Variants in PDE9A observed in about 807,000 individuals in gnomAD.
PDE9A encodes phosphodiesterase 9A, also known as high affinity cGMP-specific 3',5'-cyclic phosphodiesterase 9A.
A neutral mutation model predicts 87.4 loss-of-function variants in PDE9A; 60 were observed. The ratio of observed to expected loss-of-function variants is 0.69; its 90% confidence interval spans 0.56 to 0.85. PDE9A has a LOEUF of 0.85. Ranked by LOEUF, PDE9A falls within the 40% of genes least tolerant of loss-of-function variation. The probability of loss-of-function intolerance (pLI) is 0.00; values close to 1 mark genes in which losing one functional copy is unlikely to be tolerated. For missense variants in PDE9A, 665 were observed against 779.0 expected, an observed-to-expected ratio of 0.85 and a Z score of 1.74; for synonymous variants, 272 against 279.4, an observed-to-expected ratio of 0.97 and a Z score of 0.27.
chr21:42,688,155 G>T (rs1304656014), intron 3 of PDE9A, among the ~76,000 whole-genome samples, 161 bp downstream of exon 3: 1 of 152,198 alleles, frequency 6.6e-6, no homozygotes, highest in South Asian at 2.1e-4. Context: ...AGCTTGACTC[G>T]TCGTGTTCCC....
Position 42,704,950 on chromosome 21 carries a change from AAG to A in PDE9A, c.262+5942_262+5943del, listed in dbSNP as rs1430085144. ...TAAATATTCAGGAAATAGTAAAGAGAAGAGTATTATCAAAAACGTGACTTTTC... is the reference window on the plus strand; with the variant it reads ...TAAATATTCAGGAAATAGTAAAGAGAAGTATTATCAAAAACGTGACTTTTC... On this transcript the variant is annotated intron_variant, in intron 4 of 19. Coordinates refer to ENST00000291539, the MANE Select transcript of PDE9A (RefSeq NM_002606.3). The surrounding 1 kb of genome is among the most constrained non-coding windows in gnomAD (Gnocchi z 5.3). 6.6e-6 allele frequency among the ~76,000 whole-genome samples: 1 copy of A among 152,204 alleles called. No individual in the cohort carries two copies. The highest frequency in any genetic ancestry group is 1.5e-5 in the Non-Finnish European group (1 of 68,032).
chr21:42,657,978 G>T (rs930490783), intron 1 of PDE9A, among the ~76,000 whole-genome samples: 3 of 152,234 alleles, frequency 2.0e-5, no homozygotes, highest in Non-Finnish European at 4.4e-5. Context: ...CCAAAGGGAG[G>T]AGCCGCGCTA....
chr21:42,729,776 T>A (rs999563525), intron 4 of PDE9A, among the ~76,000 whole-genome samples: 11 of 152,218 alleles, frequency 7.2e-5, no homozygotes, highest in Non-Finnish European at 1.5e-5. Flanking sequence ...TATTTAGAAG[T>A]GTGTTGTTAA....
intron 1 of PDE9A, among the ~76,000 whole-genome samples, chr21:42,679,112 C>G (rs2059012396): frequency 6.6e-6 from 1 of 152,234 alleles, no homozygotes; most frequent in Non-Finnish European, 1.5e-5. Context: ...TCGCGCTGCA[C>G]CAGGACACAT....
intron 1 of PDE9A, among the ~76,000 whole-genome samples, chr21:42,677,625 C>T (rs2058927735): frequency 6.6e-6 from 1 of 151,530 alleles, no homozygotes; most frequent in Admixed American, 6.5e-5. Flanking sequence ...CAACTCAAAC[C>T]TCAGTTGCCA....
Position 42,675,919 on chromosome 21 carries a change from G to A in PDE9A, c.70-10273G>A, listed in dbSNP as rs1321124023. ...GTTGGAGTGGGGCCTGGTGGGAGGT[G>A]ACTGGATCGTGGGGTGGGTTTCTCA... On this transcript the variant is annotated intron_variant, in intron 1 of 19. Transcript: ENST00000291539. This position sits in a 1 kb window ranked among gnomAD's most constrained non-coding sequence, Gnocchi z 4.3. 6.6e-6 allele frequency among the ~76,000 whole-genome samples: 1 copy of A among 152,210 alleles called. No homozygotes were observed. Among genetic ancestry groups the A allele is most frequent in the Non-Finnish European group, 1.5e-5 (1 of 68,026 alleles).
rs2050624411 is a variant in PDE9A at position 42,722,365 on chromosome 21, T to G, written c.263-9405T>G. On this transcript the variant is annotated intron_variant, in intron 4 of 19. Transcript: ENST00000291539. The surrounding 1 kb of genome is among the most constrained non-coding windows in gnomAD (Gnocchi z 4.1). The stretch of plus-strand genomic sequence containing the variant: ...CAGCACCTCGCCCTGTTGCTCTGGG[T>G]TGGGACTAACAAGGTGAAACATGGC... 6.6e-6 allele frequency among the ~76,000 whole-genome samples: 1 copy of G among 152,188 alleles called. No individual in the cohort carries two copies. The highest frequency in any genetic ancestry group is 1.5e-5 in the Non-Finnish European group (1 of 68,038).
At chr21:42,718,740 T>G (rs1255050351) in intron 4 of PDE9A, among the ~76,000 whole-genome samples, 1 of 151,842 alleles carries the variant, frequency 6.6e-6, no homozygotes, top group Non-Finnish European at 1.5e-5. Flanking sequence ...GTTTGCTCAT[T>G]TTGGCATCTG....
chr21:42,653,774 A>C lies in PDE9A; in HGVS notation c.-41A>C. ...GCCTCCCGCGGCGGCTGGCGTCGGG[A>C]AAGTACAGTAAAAAGTCCGAGTGCA... is the stretch of plus-strand genomic sequence containing the variant. On this transcript the variant is annotated 5_prime_UTR_variant, in exon 1 of 20. Coordinates refer to ENST00000291539, the MANE Select transcript of PDE9A (RefSeq NM_002606.3). The C allele has an allele frequency of 3.5e-6, 4 of 1,146,442 alleles. No individual in the cohort carries two copies. The highest frequency in any genetic ancestry group is 4.6e-6 in the Non-Finnish European group (4 of 876,984). 71.0% of individuals were successfully genotyped at this position (1,146,442 alleles called of 1,614,324 possible). A position where few individuals can be genotyped will look rare whatever the true frequency, so the allele number is the denominator to read the frequency against.
In PDE9A at chr21:42,765,018, G is replaced by GATGGATGGATGGATGA. The variant is rs140976951; in HGVS notation, c.1243-359_1243-358insATGGATGGATGAATGG. ...GGATGGATGGATGGATGGATGGATG[G>GATGGATGGATGGATGA]ATGGGTGGATGGGTGGATGGACAAA... On this transcript the variant is annotated intron_variant, in intron 14 of 19. Transcript: ENST00000291539. Among the ~76,000 whole-genome samples the GATGGATGGATGGATGA allele has an allele frequency of 3.2e-3, 479 of 150,752 alleles. 3 individuals carry two copies. The highest frequency in any genetic ancestry group is 9.3e-3 in the African/African-American group (380 of 40,800).
rs2051062252 is a variant in PDE9A, at chr21:42,726,592, C to CTATATATATA, written c.263-5178_263-5177insTATATATATA. Among the ~76,000 whole-genome samples the CTATATATATA allele has an allele frequency of 2.3e-4, 17 of 74,214 alleles. 2 individuals are homozygous for CTATATATATA. The highest frequency in any genetic ancestry group is 1.1e-3 in the African/African-American group (16 of 13,928). 48.7% of individuals were successfully genotyped at this position (74,214 alleles called of 152,430 possible). A position where few individuals can be genotyped will look rare whatever the true frequency, so the allele number is the denominator to read the frequency against. ...TATTACTGAATGCCACCACGCCTGG[C>CTATATATATA]CATATATATATATATATATATATAT... is the stretch of plus-strand genomic sequence containing the variant. On this transcript the variant is annotated intron_variant, in intron 4 of 19. Transcript: ENST00000291539.
At chr21:42,678,338 A>AAATGGC (rs2058966565) in intron 1 of PDE9A, among the ~76,000 whole-genome samples, 1 of 152,250 alleles carries the variant, frequency 6.6e-6, no homozygotes, top group Admixed American at 6.5e-5. Flanking sequence ...ATAGATGCTG[A>AAATGGC]AATGGCAAGG....
intron 1 of PDE9A, among the ~76,000 whole-genome samples, chr21:42,657,940 G>A (rs1315260896): frequency 6.6e-6 from 1 of 152,266 alleles, no homozygotes; most frequent in East Asian, 1.9e-4. Flanking sequence ...TGTTTCTACT[G>A]TAAACCAGAG....
chr21:42,757,557 T>A (rs2055207095), intron 10 of PDE9A: 1 of 152,202 alleles, frequency 6.6e-6, no homozygotes. Flanking sequence ...AAAAGTTGAT[T>A]CCTCAGTTCT....
chr21:42,745,238 G>A (rs1203438758), intron 8 of PDE9A, among the ~76,000 whole-genome samples: 4 of 152,216 alleles, frequency 2.6e-5, no homozygotes, highest in African/African-American at 4.8e-5. Context: ...CGGGGTGGGC[G>A]CAGGGAGGAA....
At chr21:42,724,148 A>G (rs2050795736) in intron 4 of PDE9A, among the ~76,000 whole-genome samples, 1 of 151,978 alleles carries the variant, frequency 6.6e-6, no homozygotes, top group African/African-American at 2.4e-5. Flanking sequence ...GGTGGGATTC[A>G]CCCCTTCACA....
Position 42,733,418 on chromosome 21 carries a change from G to A in PDE9A, c.560G>A (p.Arg187His), listed in dbSNP as rs372762445. ...AATCACTTGGCTGTCCTAGAGAAAC[G>A]CGTGGAATGTGAGTGACGTTTCTGT... The part of the protein sequence containing the change: ...VANHLAVLEK[R>H]VELEGLKVVE... The change falls in exon 7 of 20, where the codon CGC (arginine) becomes CAC (histidine). Residue 187 changes from arginine to histidine, a missense_variant. Arg to His is a conservative substitution (Grantham distance 29). Transcript: ENST00000291539. 88 of 1,589,986 alleles carry A rather than the reference G, an allele frequency of 5.5e-5. No individual in the cohort carries two copies. In the African/African-American group the frequency reaches 6.9e-4, roughly 12 times the overall value.
chr21:42,750,758 TA>T lies in PDE9A; in HGVS notation c.654-357del, dbSNP rs57563246. 4.5e-3 allele frequency among the ~76,000 whole-genome samples: 687 copies of T among 151,886 alleles called. 4 individuals carry two copies. The highest frequency in any genetic ancestry group is 0.015 in the African/African-American group (639 of 41,394). On this transcript the variant is annotated intron_variant, in intron 8 of 19. Coordinates refer to ENST00000291539, the MANE Select transcript of PDE9A (RefSeq NM_002606.3). ...GCCCAGCTAATTTTTGTATTATTAT[TA>T]TTTTTTTAATAGAGATGAGGTTTCA... is the stretch of plus-strand genomic sequence containing the variant.
In PDE9A at chr21:42,659,773, C is replaced by T. The variant is rs1013694830; in HGVS notation, c.69+5890C>T. Reference sequence around the variant, plus strand: ...GCCCAGGTCCCACAGCCCGCACCTTCGTCTTCCAGCCAGCCTCTCCGGAGC... The same window carrying T: ...GCCCAGGTCCCACAGCCCGCACCTTTGTCTTCCAGCCAGCCTCTCCGGAGC... On this transcript the variant is annotated intron_variant, in intron 1 of 19. Coordinates refer to ENST00000291539, the MANE Select transcript of PDE9A (RefSeq NM_002606.3). The surrounding 1 kb of genome is among the most constrained non-coding windows in gnomAD (Gnocchi z 4.1). 2.0e-4 allele frequency among the ~76,000 whole-genome samples: 30 copies of T among 152,232 alleles called. No individual in the cohort carries two copies. The highest frequency in any genetic ancestry group is 5.3e-4 in the African/African-American group (22 of 41,456).
Sources: allele counts gnomAD v4.1 joint callset (sites outside exome capture counted in the v4.1 genomes callset), GRCh38; gene constraint gnomAD v4.1.1; non-coding constraint Gnocchi (gnomAD v3.1); transcripts MANE v1.5; gene names NCBI Gene and HGNC (gene_info 2026-07-23, HGNC 2026-07-21).